TLE3: variants seen among roughly 807,000 people sequenced by gnomAD.
TLE3 encodes transducin-like enhancer protein 3.
Under a neutral mutation model 93.0 loss-of-function variants are expected in TLE3, and 14 were observed. The observed-to-expected ratio is 0.15, with a 90% CI of 0.10 to 0.24. The LOEUF (loss-of-function observed/expected upper bound fraction) is 0.24, where lower values mean the gene tolerates loss of function less well. Ranked by LOEUF, TLE3 falls within the 10% of genes least tolerant of loss-of-function variation. The probability of loss-of-function intolerance (pLI) is 1.00; values close to 1 mark genes in which losing one functional copy is unlikely to be tolerated. For synonymous variants in TLE3, 451 were observed against 425.0 expected (o/e 1.06, Z -0.75); for missense variants, 693 against 1,046.6 (o/e 0.66, Z 4.66).
At chr15:70,092,921 C>T (rs970405830) in intron 4 of TLE3, among the ~76,000 whole-genome samples, 9 of 152,080 alleles carry the variant, frequency 5.9e-5, no homozygotes, top group Admixed American at 5.2e-4. Flanking sequence ...GGTGCAATTA[C>T]CCTCTTTAAA....
intron 4 of TLE3, among the ~76,000 whole-genome samples, chr15:70,090,608 CGGGGA>C (rs1199943834): frequency 1.3e-5 from 2 of 152,038 alleles, no homozygotes; most frequent in African/African-American, 2.4e-5. Flanking sequence ...AGATCCAGAG[CGGGGA>C]GGGGAGGGGA....
At chr15:70,082,326 T>TG (rs1306567876) in intron 4 of TLE3, among the ~76,000 whole-genome samples, 10 of 142,828 alleles carry the variant, frequency 7.0e-5, no homozygotes, top group Admixed American at 1.4e-4. Context: ...AAGAAATCCA[T>TG]GGGGGGGCCG....
In TLE3 at chr15:70,065,996, G is replaced by GGCCCCCC; in HGVS notation, c.577+17_577+18insGGGGGGC. 1 of 1,347,804 alleles carries GGCCCCCC rather than the reference G, an allele frequency of 7.4e-7. No individual in the cohort carries two copies. The highest frequency in any genetic ancestry group is 1.0e-6 in the Non-Finnish European group (1 of 955,758). 83.5% of individuals were successfully genotyped at this position (1,347,804 alleles called of 1,614,324 possible). ...CCACCCCTGCCCCGCCCCACCCTCTGCCCCAGCCCAGCCGCACCTCTGTGA... is the reference window on the plus strand; with the variant it reads ...CCACCCCTGCCCCGCCCCACCCTCTGGCCCCCCCCCCAGCCCAGCCGCACCTCTGTGA... On this transcript the variant is annotated intron_variant, in intron 7 of 19. Coordinates refer to ENST00000451782, the MANE Select transcript of TLE3 (RefSeq NM_001105192.3).
At chr15:70,064,905 A>T (rs1436187941) in intron 7 of TLE3, among the ~76,000 whole-genome samples, 17 of 20,298 alleles carry the variant, frequency 8.4e-4, no homozygotes, top group African/African-American at 2.7e-3. Flanking sequence ...CTTTATTGTT[A>T]AAAAAAAAAA....
intron 4 of TLE3, among the ~76,000 whole-genome samples, chr15:70,086,635 C>A (rs142241774): frequency 1.5e-4 from 23 of 152,286 alleles, no homozygotes; most frequent in African/African-American, 4.1e-4. Context: ...AAACTTCTAT[C>A]GGCCTGCGGT....
At chr15:70,089,974 T>C (rs1321426201) in intron 4 of TLE3, among the ~76,000 whole-genome samples, 2 of 152,248 alleles carry the variant, frequency 1.3e-5, no homozygotes, top group African/African-American at 4.8e-5. Flanking sequence ...CACCCGTTGA[T>C]CTGTAAAGTA....
chr15:70,076,237 A>G, intron 4 of TLE3, 79 bp from the exon 5 acceptor site: 1 of 1,028,400 alleles, frequency 9.7e-7, no homozygotes, highest in Non-Finnish European at 1.5e-6. Flanking sequence ...TGGAAATGCA[A>G]ACTCCCCCCA....
chr15:70,057,351 G>A, intron 13 of TLE3, 108 bp downstream of exon 13: 1 of 1,293,008 alleles, frequency 7.7e-7, no homozygotes, highest in Non-Finnish European at 1.1e-6. Context: ...CAGCTGCCTG[G>A]CCTTGAGACC....
chr15:70,073,905 C>T (rs1027386747), intron 6 of TLE3, among the ~76,000 whole-genome samples: 3 of 152,244 alleles, frequency 2.0e-5, no homozygotes, highest in African/African-American at 7.2e-5. Context: ...GGAAGTGGGC[C>T]TCACAGAGCA....
chr15:70,079,585 AG>A, intron 4 of TLE3: 1 of 368,982 alleles, frequency 2.7e-6, no homozygotes, highest in South Asian at 2.0e-5. Flanking sequence ...ATCTCTACAA[AG>A]GCTGCCCAAC....
intron 6 of TLE3, among the ~76,000 whole-genome samples, chr15:70,074,169 G>A (rs965735310): frequency 4.6e-5 from 7 of 152,274 alleles, no homozygotes; most frequent in African/African-American, 1.4e-4. Flanking sequence ...GACAGGCCCC[G>A]GGGTAAGTGT....
At chr15:70,064,552 C>T (rs1567008606) in intron 7 of TLE3, 82 bp from the exon 8 acceptor site, 3 of 1,583,788 alleles carry the variant, frequency 1.9e-6, no homozygotes, top group Admixed American at 1.7e-5. Context: ...AAAGGTCAGT[C>T]TAAGTCCAGC....
At chr15:70,065,436 C>A (rs1260094520) in intron 7 of TLE3, among the ~76,000 whole-genome samples, 2 of 152,168 alleles carry the variant, frequency 1.3e-5, no homozygotes, top group Non-Finnish European at 2.9e-5. Context: ...TGTGCACTAC[C>A]CCCACTTACA....
rs542766957 is a variant in TLE3 at position 70,064,659 on chromosome 15, G to A, written c.578-189C>T. On this transcript the variant is annotated intron_variant, in intron 7 of 19. Transcript: ENST00000451782. ...AGCCAAGGCAGGGCCATTAGGTGGC[G>A]TTTCTCGGTTTGGAAATTTGCCACC... is the stretch of plus-strand genomic sequence containing the variant. Among the ~76,000 whole-genome samples the A allele has an allele frequency of 7.2e-5, 11 of 152,274 alleles. No individual in the cohort carries two copies. The South Asian group carries it at 1.2e-3, about 17-fold the overall frequency.
intron 4 of TLE3, among the ~76,000 whole-genome samples, chr15:70,087,888 G>A (rs372707718): frequency 6.6e-6 from 1 of 152,214 alleles, no homozygotes; most frequent in African/African-American, 2.4e-5. Flanking sequence ...AAAATCTGCC[G>A]GGTGGACTAG....
chr15:70,052,938 A>C, intron 17 of TLE3: 1 of 414,470 alleles, frequency 2.4e-6, no homozygotes, highest in Non-Finnish European at 4.4e-6. Flanking sequence ...GGAGGGTGCT[A>C]CTATTATTTC....
chr15:70,096,618 A>C (rs1344306815), intron 1 of TLE3, 157 bp downstream of exon 1: 2 of 1,542,958 alleles, frequency 1.3e-6, no homozygotes, highest in Non-Finnish European at 8.7e-7. Context: ...CTCCTCTCTC[A>C]ACGGCGCCCC....
rs369992865 is a variant in TLE3 at position 70,057,674 on chromosome 15, G to A, written c.1052-16C>T. ...AGAGCCGAGGCTGCGAGGGGTGGGC[G>A]TCAGGGAGGTGGGCCTTAGGTGGAT... On this transcript the variant is annotated splice_polypyrimidine_tract_variant and intron_variant, in intron 12 of 19. Transcript: ENST00000451782. The A allele has an allele frequency of 8.0e-5, 125 of 1,554,154 alleles. No homozygotes were observed. The East Asian group carries it at 2.2e-3, about 27-fold the overall frequency.
At chr15:70,060,505 T>C (rs1457055189) in intron 9 of TLE3, 25 bp downstream of exon 9, 1 of 1,612,860 alleles carries the variant, frequency 6.2e-7, no homozygotes, top group Non-Finnish European at 8.5e-7. Flanking sequence ...GAAACCCCAG[T>C]GGTGCCATGG....
Sources: allele counts gnomAD v4.1 joint callset (sites outside exome capture counted in the v4.1 genomes callset), GRCh38; gene constraint gnomAD v4.1.1; transcripts MANE v1.5; gene names NCBI Gene and HGNC (gene_info 2026-07-23, HGNC 2026-07-21).